The following TTN variants were observed in gnomAD, a reference collection of about 807,000 sequenced individuals.
The protein encoded by TTN is titin, also known as connectin.
Under a neutral mutation model 3,223.0 loss-of-function variants are expected in TTN, and 1,525 were observed. The observed-to-expected ratio is 0.47, with a 90% CI of 0.45 to 0.49. TTN has a LOEUF of 0.49. TTN is among the 20% of genes least tolerant of loss of function. TTN has a pLI of 0.00. For missense variants in TTN, 40,786 were observed against 43,424.0 expected (o/e 0.94, Z 5.40); for synonymous variants, 14,094 against 15,161.0 (o/e 0.93, Z 5.17).
At chr2:178,639,045 G>A (rs1230027924) in intron 223 of TTN, among the ~76,000 whole-genome samples, 1 of 151,882 alleles carries the variant, frequency 6.6e-6, no homozygotes, top group Non-Finnish European at 1.5e-5. Flanking sequence ...TTTAAGTTTG[G>A]ACTTGAGATA....
chr2:178,529,224 A>C lies in TTN; in HGVS notation c.106532-5T>G. On this transcript the variant is annotated splice_region_variant and splice_polypyrimidine_tract_variant and intron_variant, in intron 359 of 362. Transcript: ENST00000589042. ...GTGCCTCAGTATCTTTTATAGCTAA[A>C]AAAGAAACCTCTGTAAGGCAAACTT... 1 of 1,455,126 alleles carries C rather than the reference A, an allele frequency of 6.9e-7. No individual in the cohort carries two copies. The highest frequency in any genetic ancestry group is 1.8e-4 in the Middle Eastern group (1 of 5,532). The allele number at this position is 1,455,126 out of a possible 1,614,324, so 90.1% of individuals were successfully genotyped here.
intron 41 of TTN, among the ~76,000 whole-genome samples, chr2:178,765,671 T>C (rs1373258229): frequency 6.6e-6 from 1 of 152,192 alleles, no homozygotes; most frequent in Non-Finnish European, 1.5e-5. Flanking sequence ...GGGTATTTTA[T>C]TCAAAGAGAT....
chr2:178,747,216 A>G, intron 47 of TTN: 1 of 1,612,006 alleles, frequency 6.2e-7, no homozygotes, highest in Non-Finnish European at 8.5e-7. Flanking sequence ...GGTGTGGAGT[A>G]TCTCTCTAGT....
In TTN at chr2:178,672,119, T is replaced by C. The variant is rs779550415; in HGVS notation, c.35079A>G (p.Glu11693=). The C allele has an allele frequency of 1.2e-6, 2 of 1,611,496 alleles. No individual in the cohort carries two copies. Among genetic ancestry groups the C allele is most frequent in the Admixed American group, 3.4e-5 (2 of 59,670 alleles). ...ATTCTTCTACTTCATGAAACTCGCC[T>C]TCTTCAAAATATTCTTCAACTTCAT... The part of the protein sequence containing the change: ...EFHEVEEYFE[E]GEFHEVEEFI... Residue 11693 remains glutamate (E), a synonymous_variant, in exon 155 of 363, where the codon GAA becomes GAG. Transcript: ENST00000589042.
In TTN at chr2:178,632,659, A is replaced by G; in HGVS notation, c.43347T>C (p.Gly14449=). Residue 14449 remains glycine, a synonymous_variant, in exon 235 of 363, where the codon GGT becomes GGC. Transcript: ENST00000589042. ...RWLKGTQEIT[G]DDRFELIKDG... ...CCTTTATAAGCTCAAATCTGTCATCACCTGTGATTTCCTGGGTTCCTTTTA... is the reference window on the plus strand; with the variant it reads ...CCTTTATAAGCTCAAATCTGTCATCGCCTGTGATTTCCTGGGTTCCTTTTA... 6.2e-7 allele frequency: 1 copy of G among 1,613,432 alleles called. No homozygotes were observed. Among genetic ancestry groups the G allele is most frequent in the African/African-American group, 1.3e-5 (1 of 74,984 alleles).
At chr2:178,696,406 G>C (rs1425044008) in intron 113 of TTN, 137 bp from the exon 114 acceptor site, 3 of 780,394 alleles carry the variant, frequency 3.8e-6, no homozygotes, top group Non-Finnish European at 5.7e-6. Context: ...TTTTGTATTG[G>C]TTCCATTTAA....
rs559906667 is a variant in TTN, at chr2:178,636,003, G to T, written c.41568C>A (p.Asn13856Lys). The T allele has an allele frequency of 2.5e-6, 4 of 1,610,412 alleles. No homozygotes were observed. The African/African-American group carries it at 4.0e-5, about 16-fold the overall frequency. ...AAGATGAACACTCCAGGTTGTTGGCGTTTTCCACAGTAACTGTGTATGTTC... is the reference window on the plus strand; with the variant it reads ...AAGATGAACACTCCAGGTTGTTGGCTTTTTCCACAGTAACTGTGTATGTTC... ...DAGTYTVTVE[N>K]ANNLECSSCV... The change falls in exon 226 of 363, where the codon AAC (asparagine) becomes AAA (lysine). Residue 13856 changes from asparagine to lysine, a missense_variant. Physicochemically the swap from Asn to Lys is moderately conservative, Grantham distance 94. Coordinates refer to ENST00000589042, the MANE Select transcript of TTN (RefSeq NM_001267550.2). This position sits in a 1 kb window ranked among gnomAD's most constrained non-coding sequence, Gnocchi z 4.3.
chr2:178,806,140 C>T (rs1409575328), intron 1 of TTN, among the ~76,000 whole-genome samples: 1 of 152,152 alleles, frequency 6.6e-6, no homozygotes, highest in African/African-American at 2.4e-5. Flanking sequence ...AACCAGCATT[C>T]TCTGAGACAA....
Position 178,549,340 on chromosome 2 carries a change from TTTC to T in TTN, c.92283_92285del (p.Lys30762del). The T allele has an allele frequency of 6.2e-7, 1 of 1,613,906 alleles. No individual in the cohort carries two copies. The highest frequency in any genetic ancestry group is 8.5e-7 in the Non-Finnish European group (1 of 1,179,826). ...TGATCACTTTTACCCATCTTGTGCT[TTTC>T]TTTTCTCTTCTTTCAAGGATATACT... is the stretch of plus-strand genomic sequence containing the variant. On this transcript the variant is annotated inframe_deletion, in exon 339 of 363. Transcript: ENST00000589042.
In TTN at chr2:178,534,724, C is replaced by A; in HGVS notation, c.101891G>T (p.Arg33964Leu). Reference sequence around the variant, plus strand: ...GAAGTTGTCCCCTGGTTTCAGCTGACGGGCTTGACCAAATTCTATGATTTT... The same window carrying A: ...GAAGTTGTCCCCTGGTTTCAGCTGAAGGGCTTGACCAAATTCTATGATTTT... ...TIKIIEFGQA[R>L]QLKPGDNFRL... is the part of the protein sequence containing the mutation. The change falls in exon 358 of 363, where the codon CGT becomes CTT. Residue 33964 changes from arginine (R) to leucine (L), a missense_variant. By Grantham distance (102) the Arg-to-Leu change is moderately radical. Coordinates refer to ENST00000589042, the MANE Select transcript of TTN (RefSeq NM_001267550.2). 2 of 1,613,810 alleles carry A rather than the reference C, an allele frequency of 1.2e-6. No individual in the cohort carries two copies. The highest frequency in any genetic ancestry group is 1.7e-6 in the Non-Finnish European group (2 of 1,179,782).
In TTN at chr2:178,593,057, C is replaced by G; in HGVS notation, c.59062G>C (p.Glu19688Gln). 1 of 1,613,132 alleles carries G rather than the reference C, an allele frequency of 6.2e-7. No homozygotes were observed. The highest frequency in any genetic ancestry group is 8.5e-7 in the Non-Finnish European group (1 of 1,179,538). The change falls in exon 300 of 363, where the codon GAA becomes CAA. Residue 19688 changes from glutamate (E) to glutamine (Q), a missense_variant. Glu to Gln is a conservative substitution (Grantham distance 29, BLOSUM62 2). Transcript: ENST00000589042. Reference protein sequence around the residue: ...IAKPSPPVNPEAIDTTCNSVD... With the variant: ...IAKPSPPVNPQAIDTTCNSVD... ...GAATTGCATGTTGTATCTATTGCTT[C>G]AGGATTAACAGGTGGACTTGGTTTA... is the stretch of plus-strand genomic sequence containing the variant.
Position 178,583,699 on chromosome 2 carries a change from G to A in TTN, c.65483C>T (p.Ala21828Val). The change falls in exon 312 of 363, where the codon GCT (alanine) becomes GTT (valine). Residue 21828 changes from alanine (A) to valine (V), a missense_variant. Coordinates refer to ENST00000589042, the MANE Select transcript of TTN (RefSeq NM_001267550.2). ...GGCAATAGCTCTAAATTGATACTGA[G>A]CTTTCTCTTCTAGGCCAGTAGCTGT... ...EYTATGLEEK[A>V]QYQFRAIART... is the part of the protein sequence containing the mutation. 1 of 1,612,402 alleles carries A rather than the reference G, an allele frequency of 6.2e-7. No individual in the cohort carries two copies. The highest frequency in any genetic ancestry group is 8.5e-7 in the Non-Finnish European group (1 of 1,179,188).
rs2058099973 is a variant in TTN, at chr2:178,620,495, A to C, written c.46026T>G (p.Pro15342=). Residue 15342 remains proline, a synonymous_variant, in exon 248 of 363, where the codon CCT becomes CCG. Coordinates refer to ENST00000589042, the MANE Select transcript of TTN (RefSeq NM_001267550.2). ...CTCTGTATGAGACACGGTTGTCAAA[A>C]GGCACTTCTTCACCATTTTTGGTCC... is the stretch of plus-strand genomic sequence containing the variant. The part of the protein sequence containing the change: ...LKWTKNGEEV[P]FDNRVSYRVD... 6.2e-7 allele frequency: 1 copy of C among 1,612,346 alleles called. No homozygotes were observed. Among genetic ancestry groups the C allele is most frequent in the Admixed American group, 1.7e-5 (1 of 59,858 alleles).
chr2:178,728,810 C>T, intron 65 of TTN, 32 bp from the exon 66 acceptor site: 1 of 1,582,764 alleles, frequency 6.3e-7, no homozygotes, highest in Non-Finnish European at 8.6e-7. Flanking sequence ...GGATGAGTTA[C>T]ATTGGTAACT....
chr2:178,634,518 C>G lies in TTN; in HGVS notation c.42263G>C (p.Gly14088Ala). 1 of 1,613,276 alleles carries G rather than the reference C, an allele frequency of 6.2e-7. No homozygotes were observed. The highest frequency in any genetic ancestry group is 8.5e-7 in the Non-Finnish European group (1 of 1,179,518). The change falls in exon 230 of 363, where the codon GGA (glycine) becomes GCA (alanine). Residue 14088 changes from glycine to alanine, a missense_variant. Transcript: ENST00000589042. This position sits in a 1 kb window ranked among gnomAD's most constrained non-coding sequence, Gnocchi z 4.6. Reference protein sequence around the residue: ...TREANVIWSKGPDIIKSSDKF... With the variant: ...TREANVIWSKAPDIIKSSDKF... ...GTCAGATGACTTAATTATATCAGGTCCTTTGGACCATATAACATTTGCCTC... is the reference window on the plus strand; with the variant it reads ...GTCAGATGACTTAATTATATCAGGTGCTTTGGACCATATAACATTTGCCTC...
In TTN at chr2:178,561,178, A is replaced by C. The variant is rs775572556; in HGVS notation, c.84954T>G (p.Thr28318=). Residue 28318 remains threonine (T), a synonymous_variant, in exon 326 of 363, where the codon ACT becomes ACG. Coordinates refer to ENST00000589042, the MANE Select transcript of TTN (RefSeq NM_001267550.2). ...CCCGGAATTCATAACGCTGATCTTC[A>C]GTAAGTTCAGTTACTTCAAAGTATG... ...QETYFEVTEL[T]EDQRYEFRVF... 1.2e-6 allele frequency: 2 copies of C among 1,613,636 alleles called. No homozygotes were observed. Among genetic ancestry groups the C allele is most frequent in the Non-Finnish European group, 8.5e-7 (1 of 1,179,802 alleles).
chr2:178,669,714 T>G, intron 157 of TTN, 39 bp from the exon 158 acceptor site: 1 of 1,596,768 alleles, frequency 6.3e-7, no homozygotes, highest in Non-Finnish European at 8.6e-7. Context: ...TTCAGAACAT[T>G]ATAGTTGGGT....
Position 178,712,497 on chromosome 2 carries a change from G to A in TTN, c.27425C>T (p.Ser9142Leu), listed in dbSNP as rs781609380. 1.2e-5 allele frequency: 19 copies of A among 1,613,616 alleles called. No homozygotes were observed. The highest frequency in any genetic ancestry group is 4.4e-5 in the South Asian group (4 of 91,078). Reference protein sequence around the residue: ...EGTFTGTPPISVTWKKNGINV... With the variant: ...EGTFTGTPPILVTWKKNGINV... ...TATGCCATTTTTCTTCCAGGTAACC[G>A]AAATGGGAGGAGTTCCAGTGAATGT... The change falls in exon 95 of 363, where the codon TCG becomes TTG. Residue 9142 changes from serine (S) to leucine (L), a missense_variant. Physicochemically the swap from Ser to Leu is moderately radical, Grantham distance 145. Transcript: ENST00000589042.
intron 318 of TTN, 30 bp downstream of exon 318, chr2:178,579,909 A>G: frequency 6.2e-7 from 1 of 1,612,552 alleles, no homozygotes; most frequent in South Asian, 1.1e-5. Context: ...ATATAACTCA[A>G]AATGATGGGA....
Sources: gnomAD v4.1 joint callset for allele counts (sites outside exome capture counted in the v4.1 genomes callset) on GRCh38, gnomAD v4.1.1 for gene constraint, Gnocchi (gnomAD v3.1) non-coding constraint, MANE v1.5 for transcripts, NCBI Gene and HGNC (gene_info 2026-07-23, HGNC 2026-07-21) for gene names.